The following PARP4 variants were observed in gnomAD, a reference collection of about 807,000 sequenced individuals.
PARP4 encodes protein mono-ADP-ribosyltransferase PARP4.
In PARP4, 120 loss-of-function variants were observed where a neutral mutation model predicts 187.7. That is an observed-to-expected ratio of 0.64 (90% confidence interval 0.55 to 0.74). PARP4 has a LOEUF of 0.74. Among genes scored for constraint, PARP4 ranks in the 30% least tolerant of loss-of-function variants. PARP4 has a pLI of 0.00. For missense variants in PARP4, 1,836 were observed against 2,070.5 expected (o/e 0.89, Z 2.20); for synonymous variants, 654 against 740.9 (o/e 0.88, Z 1.90).
chr13:24,446,135 A>G (rs1204771017), intron 27 of PARP4, among the ~76,000 whole-genome samples: 1 of 152,248 alleles, frequency 6.6e-6, no homozygotes. Context: ...AAATAGCATC[A>G]GTAGGCCAGT....
At chr13:24,450,747 A>C (rs972852734) in intron 24 of PARP4, among the ~76,000 whole-genome samples, 1 of 151,910 alleles carries the variant, frequency 6.6e-6, no homozygotes, top group African/African-American at 2.4e-5. Flanking sequence ...GATCCCAAAA[A>C]CTCGACAGAA....
intron 24 of PARP4, 40 bp downstream of exon 24, chr13:24,452,366 C>T (rs745522831): frequency 6.5e-7 from 1 of 1,530,400 alleles, no homozygotes. Flanking sequence ...GACGACCTCC[C>T]CGTGGGTCTG....
At chr13:24,502,946 G>C (rs989909049) in intron 2 of PARP4, among the ~76,000 whole-genome samples, 3 of 152,266 alleles carry the variant, frequency 2.0e-5, no homozygotes, top group African/African-American at 4.8e-5. Context: ...GAGGGGCAGG[G>C]TGAGTCAGCT....
At chr13:24,481,579 G>T (rs1873285605) in intron 12 of PARP4, among the ~76,000 whole-genome samples, 1 of 152,146 alleles carries the variant, frequency 6.6e-6, no homozygotes, top group Admixed American at 6.5e-5. Flanking sequence ...TGTAATCCCA[G>T]CTACTCAAGA....
intron 27 of PARP4, among the ~76,000 whole-genome samples, chr13:24,444,658 G>A (rs752974917): frequency 6.6e-5 from 10 of 152,164 alleles, no homozygotes; most frequent in Non-Finnish European, 1.3e-4. Flanking sequence ...AATAATTTGT[G>A]ATATTGTGAT....
intron 16 of PARP4, 76 bp downstream of exon 16, chr13:24,469,818 C>A: frequency 6.6e-7 from 1 of 1,520,878 alleles, no homozygotes; most frequent in Non-Finnish European, 8.9e-7. Flanking sequence ...CATGGGGACT[C>A]CAAAAACAAA....
chr13:24,436,100 A>T (rs1397700526), intron 30 of PARP4, among the ~76,000 whole-genome samples: 1 of 151,956 alleles, frequency 6.6e-6, no homozygotes, highest in Non-Finnish European at 1.5e-5. Context: ...AATTTTAAAC[A>T]CCCCTCATTT....
intron 15 of PARP4, among the ~76,000 whole-genome samples, chr13:24,473,397 T>C (rs1403614872): frequency 1.3e-5 from 2 of 152,174 alleles, no homozygotes; most frequent in Non-Finnish European, 2.9e-5. Context: ...AATAAGGGCA[T>C]AATAAAGTTC....
intron 2 of PARP4, among the ~76,000 whole-genome samples, chr13:24,502,116 C>T (rs183509037): frequency 2.6e-5 from 4 of 152,320 alleles, no homozygotes; most frequent in African/African-American, 7.2e-5. Flanking sequence ...TGACTATCCT[C>T]ATGTACACAT....
rs1210063570 is a variant in PARP4 at position 24,435,045 on chromosome 13, G to C, written c.4096C>G (p.Gln1366Glu). The change falls in exon 31 of 34, where the codon CAA becomes GAA. Residue 1366 changes from glutamine (Q) to glutamate (E), a missense_variant. By Grantham distance (29) the Gln-to-Glu change is conservative. This residue lies in a region of PARP4 where 450 missense variants were observed against 439.2 expected (regional missense o/e 1.02). Coordinates refer to ENST00000381989, the MANE Select transcript of PARP4 (RefSeq NM_006437.4). ...GCACAAGTGCCAGGCACAGGGCCTT[G>C]GCTGAATTGAGATGCATCAAACTGT... is the stretch of plus-strand genomic sequence containing the variant. ...PRQFDASQFS[Q>E]GPVPGTCADW... 1.2e-6 allele frequency: 2 copies of C among 1,613,942 alleles called. No homozygotes were observed. The highest frequency in any genetic ancestry group is 1.7e-5 in the Admixed American group (1 of 60,008).
intron 1 of PARP4, among the ~76,000 whole-genome samples, chr13:24,508,165 G>T (rs1265805830): frequency 6.7e-6 from 1 of 148,526 alleles, no homozygotes; most frequent in Non-Finnish European, 1.5e-5. Context: ...CGTAATCTCT[G>T]ACAATTAAAA....
At chr13:24,478,739 C>T (rs544623814) in intron 12 of PARP4, among the ~76,000 whole-genome samples, 9 of 152,252 alleles carry the variant, frequency 5.9e-5, no homozygotes, top group African/African-American at 1.9e-4. Flanking sequence ...TGGCCTATTT[C>T]GCATTTCTAT....
rs375839348 is a variant in PARP4, at chr13:24,477,733, C to T, written c.1757G>A (p.Arg586Lys). The T allele has an allele frequency of 5.2e-5, 82 of 1,590,022 alleles. No individual in the cohort carries two copies. Among genetic ancestry groups the T allele is most frequent in the Non-Finnish European group, 6.7e-5 (78 of 1,167,728 alleles). Residue 586 changes from arginine (R) to lysine (K), a missense_variant, in exon 14 of 34, where the codon AGA becomes AAA. By Grantham distance (26) the Arg-to-Lys change is conservative. Around this residue, in one of 8 missense-constraint regions of PARP4, gnomAD observed 1,147 missense variants for 1,214.2 expected, o/e 0.94. Coordinates refer to ENST00000381989, the MANE Select transcript of PARP4 (RefSeq NM_006437.4). ...PSDHTELEEY[R>K]PEFSNFSKVE... ...CTTTGAAAAATTTGAAAACTCAGGT[C>T]TGTATTCCTCTAATTCAGTATGATC...
chr13:24,475,247 C>G lies in PARP4; in HGVS notation c.1914+225G>C, dbSNP rs149718689. Among the ~76,000 whole-genome samples, 1,226 of 152,298 alleles carry G rather than the reference C, an allele frequency of 8.1e-3. 19 individuals carry two copies. Among genetic ancestry groups the G allele is most frequent in the African/African-American group, 0.028 (1,156 of 41,556 alleles). ...TCTTTCATCATGATTATTGCCTACT[C>G]CCCCACACAGTGTGTGCTCCACAAG... On this transcript the variant is annotated intron_variant, in intron 15 of 33. Transcript: ENST00000381989.
In PARP4 at chr13:24,434,526, G is replaced by C. The variant is rs562006882; in HGVS notation, c.4615C>G (p.Gln1539Glu). 2 of 1,613,946 alleles carry C rather than the reference G, an allele frequency of 1.2e-6. No homozygotes were observed. The highest frequency in any genetic ancestry group is 1.7e-6 in the Non-Finnish European group (2 of 1,179,846). The change falls in exon 31 of 34, where the codon CAA becomes GAA. Residue 1539 changes from glutamine to glutamate, a missense_variant. By Grantham distance (29) the Gln-to-Glu change is conservative (BLOSUM62 2). Transcript: ENST00000381989. The part of the protein sequence containing the change: ...SEVLQDSCFL[Q>E]IKCDTKDDSI... ...TCATCTTTTGTATCACATTTTATTTGTAAAAAGCAGCTGTCTTGAAGTACT... is the reference window on the plus strand; with the variant it reads ...TCATCTTTTGTATCACATTTTATTTCTAAAAAGCAGCTGTCTTGAAGTACT...
At chr13:24,503,380 A>C (rs1215354916) in intron 2 of PARP4, among the ~76,000 whole-genome samples, 1 of 152,118 alleles carries the variant, frequency 6.6e-6, no homozygotes, top group Non-Finnish European at 1.5e-5. Context: ...CTATTTTCAT[A>C]TTTGGCTGTG....
At chr13:24,486,635 G>A (rs1873572890) in intron 10 of PARP4, among the ~76,000 whole-genome samples, 1 of 152,152 alleles carries the variant, frequency 6.6e-6, no homozygotes, top group Non-Finnish European at 1.5e-5. Context: ...GCAAGACCAT[G>A]TCTTTCAACA....
Position 24,469,024 on chromosome 13 carries a change from C to T in PARP4, c.2133G>A (p.Pro711=), listed in dbSNP as rs759905761. ...HGAYLMSQDA[P]DVFTVSVGNL... is the part of the protein sequence containing the mutation. ...ATGCGGCATGCACACCAAGCCATAC[C>T]GGAGCATCCTGACTCATCAGGTAAG... is the stretch of plus-strand genomic sequence containing the variant. Residue 711 remains proline (P), a splice_region_variant and synonymous_variant, in exon 17 of 34, where the codon CCG becomes CCA. Transcript: ENST00000381989. 8.1e-6 allele frequency: 13 copies of T among 1,609,632 alleles called. No homozygotes were observed. The East Asian group carries it at 1.1e-4, about 14-fold the overall frequency.
At chr13:24,477,095 C>T (rs1873025145) in intron 14 of PARP4, among the ~76,000 whole-genome samples, 1 of 152,192 alleles carries the variant, frequency 6.6e-6, no homozygotes, top group Non-Finnish European at 1.5e-5. Flanking sequence ...TTAGCCTTGG[C>T]TATTCCTGAA....
Sources: allele counts gnomAD v4.1 joint callset (sites outside exome capture counted in the v4.1 genomes callset), GRCh38; gene constraint gnomAD v4.1.1; regional missense constraint gnomAD v4.1.1; transcripts MANE v1.5; gene names NCBI Gene and HGNC (gene_info 2026-07-23, HGNC 2026-07-21).